TSHR: variants seen among roughly 807,000 people sequenced by gnomAD.
The protein encoded by TSHR is thyroid stimulating hormone receptor, also known as thyrotropin receptor.
In TSHR, 51 loss-of-function variants were observed where a neutral mutation model predicts 64.1. That is an observed-to-expected ratio of 0.80 (90% confidence interval 0.64 to 1.01). The LOEUF (loss-of-function observed/expected upper bound fraction) is 1.01. Among genes scored for constraint, TSHR ranks in the 50% least tolerant of loss-of-function variants. TSHR has a pLI of 0.00. For synonymous variants in TSHR, 361 were observed against 361.9 expected, an observed-to-expected ratio of 1.00 and a Z score of 0.03; for missense variants, 877 against 942.8, an observed-to-expected ratio of 0.93 and a Z score of 0.91.
At chr14:80,980,373 T>A (rs549334081) in intron 1 of TSHR, among the ~76,000 whole-genome samples, 14 of 152,224 alleles carry the variant, frequency 9.2e-5, no homozygotes, top group Non-Finnish European at 1.5e-4. Flanking sequence ...TCTCTTTTAT[T>A]TTTTAAATAA....
Position 81,103,906 on chromosome 14 carries a change from T to C in TSHR, c.615-4469T>C. 1.0e-6 allele frequency: 1 copy of C among 985,480 alleles called. No homozygotes were observed. The highest frequency in any genetic ancestry group is 1.1e-4 in the East Asian group (1 of 8,818). The allele number at this position is 985,480 out of a possible 1,614,324, so 61.0% of individuals were successfully genotyped here. ...CAGGAATAAAAATACCATTTTGATA[T>C]GCTAAGAGCCCACCAATACACTAAT... On this transcript the variant is annotated intron_variant, in intron 7 of 9. Coordinates refer to ENST00000298171, the MANE Select transcript of TSHR (RefSeq NM_000369.5). This position sits in a 1 kb window ranked among gnomAD's most constrained non-coding sequence, Gnocchi z 4.1.
chr14:81,100,383 A>C (rs1485676526), intron 7 of TSHR, among the ~76,000 whole-genome samples: 1 of 152,188 alleles, frequency 6.6e-6, no homozygotes, highest in African/African-American at 2.4e-5. Flanking sequence ...GTGTTTTTCT[A>C]CCATCACACA....
intron 1 of TSHR, among the ~76,000 whole-genome samples, chr14:81,060,005 T>G (rs899681303): frequency 7.9e-5 from 12 of 152,138 alleles, no homozygotes; most frequent in African/African-American, 2.7e-4. Context: ...ACTATCCAAT[T>G]GCACTTAGAT....
chr14:81,026,704 G>A (rs1050837617), intron 1 of TSHR, among the ~76,000 whole-genome samples: 5 of 151,910 alleles, frequency 3.3e-5, no homozygotes, highest in African/African-American at 7.3e-5. Context: ...GTAGATCTTG[G>A]GATAGAAGTA....
chr14:80,967,505 G>A (rs944411064), intron 1 of TSHR, among the ~76,000 whole-genome samples: 5 of 151,926 alleles, frequency 3.3e-5, no homozygotes, highest in African/African-American at 9.7e-5. Flanking sequence ...GGCTGATCTC[G>A]AACTCCTGAC....
chr14:80,996,728 T>A (rs1219073712), intron 1 of TSHR, among the ~76,000 whole-genome samples: 1 of 152,156 alleles, frequency 6.6e-6, no homozygotes, highest in Admixed American at 6.5e-5. Context: ...CTCTCTTTTG[T>A]ACTAGTTCCT....
At chr14:80,984,815 A>C (rs545104223) in intron 1 of TSHR, among the ~76,000 whole-genome samples, 3 of 152,242 alleles carry the variant, frequency 2.0e-5, no homozygotes, top group Non-Finnish European at 4.4e-5. Flanking sequence ...AACTTTGTTC[A>C]GTGAGTAAGA....
chr14:80,960,772 C>T lies in TSHR; in HGVS notation c.170+4922C>T, dbSNP rs140252103. ...ATATTTTGAAAGAACATGTAATTTA[C>T]AGAATTACTGTAGGACCAGGCTTTG... On this transcript the variant is annotated intron_variant, in intron 1 of 9. Transcript: ENST00000298171. Among the ~76,000 whole-genome samples, 26 of 152,314 alleles carry T rather than the reference C, an allele frequency of 1.7e-4. No homozygotes were observed. The East Asian group carries it at 5.0e-3, about 29-fold the overall frequency.
chr14:81,067,074 G>A (rs530583699), intron 2 of TSHR, among the ~76,000 whole-genome samples: 15 of 152,150 alleles, frequency 9.9e-5, no homozygotes, highest in South Asian at 8.3e-4. Flanking sequence ...AGTTTAAGAC[G>A]GAGCTTGAAT....
intron 1 of TSHR, among the ~76,000 whole-genome samples, chr14:80,972,558 C>A (rs968631505): frequency 2.0e-5 from 3 of 152,160 alleles, no homozygotes; most frequent in Non-Finnish European, 4.4e-5. Flanking sequence ...CTTCCTAAAT[C>A]TGGTCTATTT....
chr14:81,005,197 T>TTGTGTGTGTGTGTG (rs71103894), intron 1 of TSHR, among the ~76,000 whole-genome samples: 1 of 149,790 alleles, frequency 6.7e-6, no homozygotes, highest in African/African-American at 2.5e-5. Context: ...ACTCAAGCCT[T>TTGTGTGTGTGTGTG]TGTGTGTGTG....
At chr14:81,091,465 G>A in intron 5 of TSHR, among the ~76,000 whole-genome samples, 1 of 152,168 alleles carries the variant, frequency 6.6e-6, no homozygotes, top group East Asian at 1.9e-4. Flanking sequence ...ATTAAAAGGA[G>A]CAGAAAATAG....
At chr14:81,024,448 C>T (rs1883938475) in intron 1 of TSHR, among the ~76,000 whole-genome samples, 1 of 151,984 alleles carries the variant, frequency 6.6e-6, no homozygotes, top group Admixed American at 6.6e-5. Flanking sequence ...AGGGTTTCAC[C>T]ATTTTGGCCA....
intron 1 of TSHR, among the ~76,000 whole-genome samples, chr14:80,959,081 C>G (rs726020): frequency 0.43 from 64,938 of 151,594 alleles, 15,537 homozygotes; most frequent in African/African-American, 0.66. Flanking sequence ...ATATCCCAGC[C>G]CCGTGGTCTT....
chr14:81,143,020 C>T lies in TSHR; in HGVS notation c.962C>T (p.Pro321Leu). The T allele has an allele frequency of 6.2e-7, 1 of 1,614,126 alleles. No individual in the cohort carries two copies. Among genetic ancestry groups the T allele is most frequent in the Non-Finnish European group, 8.5e-7 (1 of 1,180,028 alleles). ...QRKSVNALNS[P>L]LHQEYEENLG... Reference sequence around the variant, plus strand: ...AAATCTGTGAATGCCTTGAATAGCCCCCTCCACCAGGAATATGAAGAGAAT... The same window carrying T: ...AAATCTGTGAATGCCTTGAATAGCCTCCTCCACCAGGAATATGAAGAGAAT... The change falls in exon 10 of 10, where the codon CCC becomes CTC. Residue 321 changes from proline to leucine, a missense_variant. Transcript: ENST00000298171.
chr14:81,083,109 C>A (rs1485815612), intron 3 of TSHR, among the ~76,000 whole-genome samples: 2 of 152,180 alleles, frequency 1.3e-5, no homozygotes, highest in Non-Finnish European at 2.9e-5. Flanking sequence ...CCTGAGAACT[C>A]CCTTCTCTCA....
chr14:81,081,370 G>C (rs906576612), intron 3 of TSHR, among the ~76,000 whole-genome samples: 2 of 151,912 alleles, frequency 1.3e-5, no homozygotes, highest in Non-Finnish European at 2.9e-5. Flanking sequence ...TATTATAAAG[G>C]ATATTACAAA....
chr14:81,061,272 T>G (rs750228115), intron 1 of TSHR, among the ~76,000 whole-genome samples: 1 of 152,164 alleles, frequency 6.6e-6, no homozygotes, highest in Non-Finnish European at 1.5e-5. Context: ...CCAAGGCATT[T>G]CCATTGAAAA....
At position 81,000,016 on chromosome 14, in the gene TSHR, C is replaced by T. The variant is rs1889229840; in HGVS notation, c.170+44166C>T. On this transcript the variant is annotated intron_variant, in intron 1 of 9. Transcript: ENST00000298171. ...GCATGATCTTGGCTCACTGCAACTT[C>T]CACCTCCTGGGTTCAAGCGATTCTC... 2.0e-5 allele frequency among the ~76,000 whole-genome samples: 3 copies of T among 148,234 alleles called. No homozygotes were observed. The South Asian group carries it at 6.4e-4, about 32-fold the overall frequency.
Sources: allele counts gnomAD v4.1 joint callset (sites outside exome capture counted in the v4.1 genomes callset), GRCh38; gene constraint gnomAD v4.1.1; non-coding constraint Gnocchi (gnomAD v3.1); transcripts MANE v1.5; gene names NCBI Gene and HGNC (gene_info 2026-07-23, HGNC 2026-07-21).